WSCD2: variants seen among roughly 807,000 people sequenced by gnomAD.
WSCD2 encodes the protein WSC domain sialate O sulfotransferase 2.
Under a neutral mutation model 55.7 loss-of-function variants are expected in WSCD2, and 28 were observed. The ratio of observed to expected loss-of-function variants is 0.50; its 90% CI spans 0.37 to 0.69. The LOEUF (loss-of-function observed/expected upper bound fraction) is 0.69. WSCD2 is among the 30% of genes least tolerant of loss of function. The pLI is 0.00. For missense variants in WSCD2, 616 were observed against 762.1 expected (o/e 0.81, Z 2.26); for synonymous variants, 301 against 301.9 (o/e 1.00, Z 0.03).
In WSCD2 at chr12:108,175,182, A is replaced by C. The variant is rs148061065; in HGVS notation, c.-551-20100A>C. 1.5e-4 allele frequency among the ~76,000 whole-genome samples: 23 copies of C among 152,312 alleles called. No homozygotes were observed. In the East Asian group the frequency reaches 4.4e-3, roughly 29 times the overall value. On this transcript the variant is annotated intron_variant, in intron 1 of 8. Transcript: ENST00000547525. Reference sequence around the variant, plus strand: ...CTTGTCATGACTGGTGGGTGTTACCAGCACACAGGGGGCAGGAATGCTAAA... The same window carrying C: ...CTTGTCATGACTGGTGGGTGTTACCCGCACACAGGGGGCAGGAATGCTAAA...
chr12:108,244,563 T>C (rs1889960129), intron 8 of WSCD2: 3 of 702,946 alleles, frequency 4.3e-6, no homozygotes, highest in Non-Finnish European at 7.8e-6. Context: ...TCGCTCGATT[T>C]GCACAGCATC....
chr12:108,136,341 C>A (rs1876213883), intron 1 of WSCD2, among the ~76,000 whole-genome samples: 1 of 152,240 alleles, frequency 6.6e-6, no homozygotes, highest in Non-Finnish European at 1.5e-5. Context: ...CAAGTCCCAT[C>A]TATAGAATGG....
At chr12:108,137,828 G>A (rs544113885) in intron 1 of WSCD2, among the ~76,000 whole-genome samples, 4 of 152,312 alleles carry the variant, frequency 2.6e-5, no homozygotes, top group Admixed American at 1.3e-4. Context: ...ATTCACGTAC[G>A]TGGAACTCTT....
At chr12:108,236,918 C>A (rs570809802) in intron 7 of WSCD2, among the ~76,000 whole-genome samples, 16 of 152,242 alleles carry the variant, frequency 1.1e-4, no homozygotes, top group African/African-American at 3.9e-4. Context: ...TCAAGCTCTG[C>A]GGTATGTGAG....
intron 1 of WSCD2, among the ~76,000 whole-genome samples, chr12:108,180,951 G>A (rs1157309706): frequency 1.3e-5 from 2 of 152,250 alleles, no homozygotes; most frequent in African/African-American, 4.8e-5. Context: ...TACAGATGGG[G>A]AAACCCAGCT....
chr12:108,248,060 G>C lies in WSCD2; in HGVS notation c.1415G>C (p.Gly472Ala), dbSNP rs1334011192. 6.2e-7 allele frequency: 1 copy of C among 1,614,204 alleles called. No homozygotes were observed. Among genetic ancestry groups the C allele is most frequent in the Admixed American group, 1.7e-5 (1 of 60,032 alleles). Residue 472 changes from glycine to alanine, a missense_variant, in exon 9 of 9, where the codon GGC (glycine) becomes GCC (alanine). Physicochemically the swap from Gly to Ala is moderately conservative, Grantham distance 60. Around this residue, in one of 3 missense-constraint regions of WSCD2, gnomAD observed 234 missense variants for 264.6 expected, o/e 0.88. Coordinates refer to ENST00000547525, the MANE Select transcript of WSCD2 (RefSeq NM_014653.4). The surrounding 1 kb of genome is among the most constrained non-coding windows in gnomAD (Gnocchi z 4.3). ...ATHTLDWLKF[G>A]KKVLVVHFED... Reference sequence around the variant, plus strand: ...CACACACTGGACTGGCTCAAGTTTGGCAAGAAGGTGCTGGTGGTGCACTTT... The same window carrying C: ...CACACACTGGACTGGCTCAAGTTTGCCAAGAAGGTGCTGGTGGTGCACTTT...
chr12:108,154,308 C>T (rs1021317967), intron 1 of WSCD2, among the ~76,000 whole-genome samples: 1 of 152,158 alleles, frequency 6.6e-6, no homozygotes, highest in Non-Finnish European at 1.5e-5. Context: ...GGAAAATTGG[C>T]TCCTTGCCTT....
chr12:108,136,125 G>A (rs1326907194), intron 1 of WSCD2, among the ~76,000 whole-genome samples: 1 of 152,226 alleles, frequency 6.6e-6, no homozygotes, highest in Non-Finnish European at 1.5e-5. Flanking sequence ...GGCATCTGAA[G>A]GGTCAGAAGA....
intron 6 of WSCD2, among the ~76,000 whole-genome samples, chr12:108,228,014 T>C (rs1190442987): frequency 2.0e-5 from 3 of 151,484 alleles, no homozygotes; most frequent in South Asian, 2.1e-4. Flanking sequence ...CCCTCAACTC[T>C]CTATGAGTTG....
intron 3 of WSCD2, among the ~76,000 whole-genome samples, chr12:108,207,227 T>C (rs200386600): frequency 6.6e-6 from 1 of 152,144 alleles, no homozygotes; most frequent in South Asian, 2.1e-4. Flanking sequence ...TAGTGGCTCA[T>C]GAAGAGGCTC....
At chr12:108,199,734 A>G (rs1317613409) in intron 2 of WSCD2, among the ~76,000 whole-genome samples, 2 of 152,210 alleles carry the variant, frequency 1.3e-5, no homozygotes, top group Non-Finnish European at 2.9e-5. Context: ...TATTAACTCC[A>G]TCTTACAGGA....
intron 2 of WSCD2, among the ~76,000 whole-genome samples, chr12:108,202,359 C>T (rs920334331): frequency 1.3e-5 from 2 of 152,108 alleles, no homozygotes; most frequent in Non-Finnish European, 2.9e-5. Context: ...AATAAAGGAC[C>T]ATGTATCTTC....
At chr12:108,151,291 G>A (rs970639779) in intron 1 of WSCD2, among the ~76,000 whole-genome samples, 3 of 152,146 alleles carry the variant, frequency 2.0e-5, no homozygotes, top group Non-Finnish European at 2.9e-5. Flanking sequence ...GCCACTAGAT[G>A]CCTATAGCAC....
chr12:108,199,921 C>T (rs552025458), intron 2 of WSCD2, among the ~76,000 whole-genome samples: 1 of 152,154 alleles, frequency 6.6e-6, no homozygotes, highest in South Asian at 2.1e-4. Flanking sequence ...TTATAATAAG[C>T]TTGCATACTA....
chr12:108,207,533 CTTTTTT>C (rs35090663), intron 3 of WSCD2, among the ~76,000 whole-genome samples: 32 of 53,624 alleles, frequency 6.0e-4, no homozygotes, highest in Non-Finnish European at 9.2e-4. Context: ...CCATGCCTGG[CTTTTTT>C]TTTTTTTTTT....
rs1347196584 is a variant in WSCD2 at position 108,195,672 on chromosome 12, G to T, written c.-161G>T. ...ATGGCCTCAGCCAAGCATTGAACTTGCCCTCCCCTTCTGGCCTTGGTGATC... is the reference window on the plus strand; with the variant it reads ...ATGGCCTCAGCCAAGCATTGAACTTTCCCTCCCCTTCTGGCCTTGGTGATC... On this transcript the variant is annotated 5_prime_UTR_variant, in exon 2 of 9. Coordinates refer to ENST00000547525, the MANE Select transcript of WSCD2 (RefSeq NM_014653.4). 2 of 991,260 alleles carry T rather than the reference G, an allele frequency of 2.0e-6. No homozygotes were observed. The highest frequency in any genetic ancestry group is 2.9e-6 in the Non-Finnish European group (2 of 693,120). The allele number at this position is 991,260 out of a possible 1,614,324, so 61.4% of individuals were successfully genotyped here.
chr12:108,181,116 G>T (rs1438209891), intron 1 of WSCD2, among the ~76,000 whole-genome samples: 1 of 152,202 alleles, frequency 6.6e-6, no homozygotes, highest in African/African-American at 2.4e-5. Context: ...GGCGTCCTGT[G>T]CTATCTATGA....
intron 3 of WSCD2, 54 bp downstream of exon 3, chr12:108,206,457 C>T (rs568755785): frequency 1.3e-6 from 2 of 1,560,648 alleles, no homozygotes; most frequent in African/African-American, 2.7e-5. Context: ...TTCTCAGATT[C>T]CCACCTGTGG....
chr12:108,152,301 GC>G (rs1309191463), intron 1 of WSCD2, among the ~76,000 whole-genome samples: 1 of 152,200 alleles, frequency 6.6e-6, no homozygotes, highest in African/African-American at 2.4e-5. Context: ...TAAAGTGAGA[GC>G]CCCATTCAGG....
Sources: gnomAD v4.1 joint callset for allele counts (sites outside exome capture counted in the v4.1 genomes callset) on GRCh38, gnomAD v4.1.1 for gene constraint, gnomAD v4.1.1 regional missense constraint, Gnocchi (gnomAD v3.1) non-coding constraint, MANE v1.5 for transcripts, NCBI Gene and HGNC (gene_info 2026-07-23, HGNC 2026-07-21) for gene names.